Variants in LBR observed in about 807,000 individuals in gnomAD.
The protein encoded by LBR is lamin B receptor, also known as delta(14)-sterol reductase LBR.
A neutral mutation model predicts 74.3 loss-of-function variants in LBR; 28 were observed. The ratio of observed to expected loss-of-function variants is 0.38; its 90% CI spans 0.28 to 0.52. The LOEUF (loss-of-function observed/expected upper bound fraction) is 0.52, where lower values mean the gene tolerates loss of function less well. Among genes scored for constraint, LBR ranks in the 20% least tolerant of loss-of-function variants. The pLI is 0.89. For missense variants in LBR, 717 were observed against 760.3 expected (o/e 0.94, Z 0.67); for synonymous variants, 228 against 269.3 (o/e 0.85, Z 1.50).
chr1:225,422,743 C>A (rs2096130230), intron 2 of LBR, among the ~76,000 whole-genome samples: 1 of 152,110 alleles, frequency 6.6e-6, no homozygotes, highest in Admixed American at 6.5e-5. Flanking sequence ...TGTGTCCCCA[C>A]CTACTCCGAA....
intron 7 of LBR, among the ~76,000 whole-genome samples, chr1:225,412,975 T>C (rs1299936193): frequency 6.6e-6 from 1 of 152,174 alleles, no homozygotes; most frequent in African/African-American, 2.4e-5. Context: ...CAAAGTCAAA[T>C]GGCTAATTAT....
At chr1:225,425,607 C>G (rs2096137606) in intron 1 of LBR, among the ~76,000 whole-genome samples, 1 of 152,144 alleles carries the variant, frequency 6.6e-6, no homozygotes, top group Admixed American at 6.5e-5. Flanking sequence ...CGGAAGGTGA[C>G]AACATCCAGC....
rs767247360 is a variant in LBR at position 225,424,032 on chromosome 1, C to T, written c.44G>A (p.Arg15Gln). The stretch of plus-strand genomic sequence containing the variant: ...ATAATAAAGTGAACTCCCAGGCCAT[C>T]GACCTCTTACCACTTCACCATCGGC... Reference protein sequence around the residue: ...KFADGEVVRGRWPGSSLYYEV... With the variant: ...KFADGEVVRGQWPGSSLYYEV... The change falls in exon 2 of 14, where the codon CGA becomes CAA. Residue 15 changes from arginine to glutamine, a missense_variant. By Grantham distance (43) the Arg-to-Gln change is conservative (BLOSUM62 1). Transcript: ENST00000272163. 2.4e-5 allele frequency: 38 copies of T among 1,614,144 alleles called. No homozygotes were observed. Among genetic ancestry groups the T allele is most frequent in the Non-Finnish European group, 3.2e-5 (38 of 1,180,004 alleles).
intron 8 of LBR, among the ~76,000 whole-genome samples, chr1:225,411,960 C>T (rs908528845): frequency 1.3e-5 from 2 of 152,172 alleles, no homozygotes; most frequent in Admixed American, 6.5e-5. Context: ...TAGGTGTGCA[C>T]CACCACGCCC....
chr1:225,416,278 G>A (rs539836232), intron 6 of LBR, among the ~76,000 whole-genome samples: 5 of 151,620 alleles, frequency 3.3e-5, no homozygotes, highest in Admixed American at 1.3e-4. Flanking sequence ...CTCTTCATTC[G>A]GCATCACTCA....
At chr1:225,411,607 G>A (rs2096105874) in intron 8 of LBR, among the ~76,000 whole-genome samples, 167 bp from the exon 9 acceptor site, 1 of 152,224 alleles carries the variant, frequency 6.6e-6, no homozygotes, top group African/African-American at 2.4e-5. Flanking sequence ...AGCGGAACCA[G>A]GAGATGCCTG....
chr1:225,414,204 A>T (rs892159567), intron 7 of LBR: 1 of 451,234 alleles, frequency 2.2e-6, no homozygotes. Flanking sequence ...GAGCTGGGGG[A>T]GACGTTTTAT....
chr1:225,418,852 C>T (rs2096122315), intron 5 of LBR, among the ~76,000 whole-genome samples: 2 of 152,206 alleles, frequency 1.3e-5, no homozygotes, highest in African/African-American at 4.8e-5. Context: ...CCTCCGGGAT[C>T]CCATTTTATG....
intron 10 of LBR, among the ~76,000 whole-genome samples, chr1:225,409,312 C>T (rs2096099535): frequency 6.6e-6 from 1 of 152,172 alleles, no homozygotes; most frequent in Non-Finnish European, 1.5e-5. Context: ...CCTAATCTTC[C>T]TAAATAACAA....
chr1:225,414,310 G>A (rs750529379), intron 7 of LBR: 21 of 352,234 alleles, frequency 6.0e-5, no homozygotes, highest in Non-Finnish European at 9.6e-5. Context: ...TAGATGCTGC[G>A]TAAGTCTCTA....
intron 10 of LBR, among the ~76,000 whole-genome samples, chr1:225,408,161 T>C (rs559779521): frequency 6.6e-6 from 1 of 152,322 alleles, no homozygotes; most frequent in East Asian, 1.9e-4. Context: ...TTTTGTATCC[T>C]TTAACAAACC....
chr1:225,408,019 ATTCT>A (rs778492559), intron 10 of LBR, among the ~76,000 whole-genome samples: 23 of 152,216 alleles, frequency 1.5e-4, no homozygotes, highest in South Asian at 6.2e-4. Flanking sequence ...TCTCAAACAC[ATTCT>A]TTCTTTGTGT....
chr1:225,422,083 C>T lies in LBR; in HGVS notation c.360G>A (p.Leu120=), dbSNP rs767698098. 1.9e-6 allele frequency: 3 copies of T among 1,613,986 alleles called. No individual in the cohort carries two copies. Among genetic ancestry groups the T allele is most frequent in the Non-Finnish European group, 1.7e-6 (2 of 1,179,978 alleles). The change falls in exon 3 of 14, where the codon CTG becomes CTA. Residue 120 remains leucine (L), a synonymous_variant. Transcript: ENST00000272163. ...RREVEVKLTP[L]ILKPFGNSIS... ...TAAGGATAAACACAAGTACCAGAAT[C>T]AGCGGAGTCAATTTAACTTCCACTT...
intron 1 of LBR, among the ~76,000 whole-genome samples, chr1:225,424,659 G>T (rs542722174): frequency 6.6e-6 from 1 of 152,118 alleles, no homozygotes; most frequent in Admixed American, 6.5e-5. Flanking sequence ...AAGTAACTCT[G>T]CCAACCACCC....
intron 11 of LBR, 70 bp downstream of exon 11, chr1:225,406,594 G>A: frequency 7.4e-7 from 1 of 1,349,778 alleles, no homozygotes; most frequent in Non-Finnish European, 1.0e-6. Context: ...CAAGTATGTA[G>A]ACAGCAGGGC....
Position 225,420,797 on chromosome 1 carries a change from T to C in LBR, c.367-999A>G, listed in dbSNP as rs10915826. Among the ~76,000 whole-genome samples, 849 of 151,598 alleles carry C rather than the reference T, an allele frequency of 5.6e-3. 10 individuals carry two copies. Among genetic ancestry groups the C allele is most frequent in the East Asian group, 0.043 (220 of 5,160 alleles). On this transcript the variant is annotated intron_variant, in intron 3 of 13. Coordinates refer to ENST00000272163, the MANE Select transcript of LBR (RefSeq NM_002296.4). ...ATTCTCCAAAAAAAAAAAAAAAAAT[T>C]ATAATACTCAGAATGAGAAACTGAG... is the stretch of plus-strand genomic sequence containing the variant.
Position 225,422,059 on chromosome 1 carries a change from A to T in LBR, c.366+18T>A. On this transcript the variant is annotated intron_variant, in intron 3 of 13. Coordinates refer to ENST00000272163, the MANE Select transcript of LBR (RefSeq NM_002296.4). Reference sequence around the variant, plus strand: ...TAAAGCGGAAGACAAAAGGCTGTATAAGGATAAACACAAGTACCAGAATCA... The same window carrying T: ...TAAAGCGGAAGACAAAAGGCTGTATTAGGATAAACACAAGTACCAGAATCA... The T allele has an allele frequency of 6.2e-7, 1 of 1,610,814 alleles. No individual in the cohort carries two copies. Among genetic ancestry groups the T allele is most frequent in the East Asian group, 2.2e-5 (1 of 44,876 alleles).
At chr1:225,414,240 AG>A in intron 7 of LBR, 1 of 430,634 alleles carries the variant, frequency 2.3e-6, no homozygotes, top group Non-Finnish European at 4.7e-6. Flanking sequence ...AAAAGGCAGA[AG>A]GTGTCTAAAC....
chr1:225,411,944 G>A (rs1176513901), intron 8 of LBR, among the ~76,000 whole-genome samples: 1 of 152,156 alleles, frequency 6.6e-6, no homozygotes, highest in Admixed American at 6.5e-5. Flanking sequence ...CGAGTAGATG[G>A]GATTATAGGT....
Sources: gnomAD v4.1 joint callset for allele counts (sites outside exome capture counted in the v4.1 genomes callset) on GRCh38, gnomAD v4.1.1 for gene constraint, MANE v1.5 for transcripts, NCBI Gene and HGNC (gene_info 2026-07-23, HGNC 2026-07-21) for gene names.